The following ANKRA2 variants were observed in gnomAD, a reference collection of about 807,000 sequenced individuals.
ANKRA2 encodes ankyrin repeat family A protein 2.
A neutral mutation model predicts 37.8 loss-of-function variants in ANKRA2; 33 were observed. The ratio of observed to expected loss-of-function variants is 0.87; its 90% CI spans 0.66 to 1.17. The LOEUF (loss-of-function observed/expected upper bound fraction) is 1.17. ANKRA2 is among the 50% of genes most tolerant of loss of function. The pLI is 0.00. For missense variants in ANKRA2, 326 were observed against 373.7 expected, an observed-to-expected ratio of 0.87 and a Z score of 1.05; for synonymous variants, 126 against 132.3, an observed-to-expected ratio of 0.95 and a Z score of 0.33.
intron 6 of ANKRA2, 63 bp downstream of exon 6, chr5:73,554,798 T>C (rs899931199): frequency 3.2e-6 from 5 of 1,558,444 alleles, no homozygotes; most frequent in Non-Finnish European, 4.4e-6. Flanking sequence ...ACTGCATCTC[T>C]CCCAAACCAA....
At chr5:73,553,646 T>C (rs1265483614) in intron 7 of ANKRA2, among the ~76,000 whole-genome samples, 160 bp from the exon 8 acceptor site, 2 of 152,280 alleles carry the variant, frequency 1.3e-5, no homozygotes, top group South Asian at 2.1e-4. Context: ...AGAATTTACT[T>C]TAGTGGATTG....
Position 73,561,066 on chromosome 5 carries a change from TA to T in ANKRA2, c.448+63del. On this transcript the variant is annotated intron_variant, in intron 3 of 8. Transcript: ENST00000296785. ...ATATGCATTTAATGAAATAATGTTTTAAAGTCAAACTCTTGAAAGTATTACA... is the reference window on the plus strand; with the variant it reads ...ATATGCATTTAATGAAATAATGTTTTAAGTCAAACTCTTGAAAGTATTACA... The T allele has an allele frequency of 4.1e-6, 6 of 1,459,818 alleles. No homozygotes were observed. The South Asian group carries it at 7.6e-5, about 19-fold the overall frequency. The allele number at this position is 1,459,818 out of a possible 1,614,324, so 90.4% of individuals were successfully genotyped here.
At chr5:73,561,729 T>C (rs1747559803) in intron 2 of ANKRA2, among the ~76,000 whole-genome samples, 1 of 151,734 alleles carries the variant, frequency 6.6e-6, no homozygotes, top group South Asian at 2.1e-4. Flanking sequence ...ATCTCGCCAC[T>C]GCACTCCAGC....
intron 3 of ANKRA2, among the ~76,000 whole-genome samples, chr5:73,560,165 AT>A: frequency 6.6e-6 from 1 of 152,280 alleles, no homozygotes; most frequent in African/African-American, 2.4e-5. Context: ...CGTATAATGC[AT>A]TTATTTATTT....
rs371793533 is a variant in ANKRA2, at chr5:73,560,054, G to A, written c.448+1076C>T. The stretch of plus-strand genomic sequence containing the variant: ...GCTGGGATTACAGGTGTGACACGCC[G>A]TGTCTAGCCCCACATGAAATATTTA... On this transcript the variant is annotated intron_variant, in intron 3 of 8. Coordinates refer to ENST00000296785, the MANE Select transcript of ANKRA2 (RefSeq NM_023039.5). Among the ~76,000 whole-genome samples the A allele has an allele frequency of 1.6e-4, 25 of 152,180 alleles. 1 individual carries two copies. Among genetic ancestry groups the A allele is most frequent in the African/African-American group, 5.5e-4 (23 of 41,544 alleles).
chr5:73,561,742 G>A (rs1043626332), intron 2 of ANKRA2, among the ~76,000 whole-genome samples: 1 of 151,896 alleles, frequency 6.6e-6, no homozygotes, highest in African/African-American at 2.4e-5. Context: ...ACTCCAGCCT[G>A]GGTGACAGAG....
chr5:73,555,550 TA>T lies in ANKRA2; in HGVS notation c.549del (p.Phe183LeufsTer4). 6.2e-7 allele frequency: 1 copy of T among 1,613,958 alleles called. No homozygotes were observed. Among genetic ancestry groups the T allele is most frequent in the Non-Finnish European group, 8.5e-7 (1 of 1,179,972 alleles). ...NVINHTDEEGFTPLMWAAAHG... is the reference protein window; with the variant it reads ...NVINHTDEEGXTPLMWAAAHG... Reference sequence around the variant, plus strand: ...TGTGCTGCAGCCCACATCAGAGGAGTAAATCCTTCTTCATCCGTGTGATTGA... The same window carrying T: ...TGTGCTGCAGCCCACATCAGAGGAGTAATCCTTCTTCATCCGTGTGATTGA... On this transcript the variant is annotated frameshift_variant, in exon 5 of 9. Transcript: ENST00000296785. LOFTEE classifies it high-confidence loss of function.
chr5:73,562,007 G>T (rs1251700533), intron 2 of ANKRA2, among the ~76,000 whole-genome samples: 3 of 151,816 alleles, frequency 2.0e-5, no homozygotes, highest in East Asian at 1.9e-4. Context: ...AAAGGAACAT[G>T]ATTTTTTTTC....
intron 1 of ANKRA2, among the ~76,000 whole-genome samples, chr5:73,564,648 A>T (rs7716204): frequency 1.3e-5 from 2 of 152,248 alleles, no homozygotes; most frequent in African/African-American, 4.8e-5. Context: ...TTCATCTATT[A>T]TAAAAAGGTG....
intron 3 of ANKRA2, among the ~76,000 whole-genome samples, chr5:73,557,986 G>C (rs1305449157): frequency 6.6e-6 from 1 of 152,000 alleles, no homozygotes; most frequent in African/African-American, 2.4e-5. Flanking sequence ...CTGAGGCTGG[G>C]GAATCACTTG....
intron 3 of ANKRA2, among the ~76,000 whole-genome samples, chr5:73,559,223 T>C (rs1031134618): frequency 6.6e-6 from 1 of 152,204 alleles, no homozygotes; most frequent in African/African-American, 2.4e-5. Flanking sequence ...TCAGGAGGGA[T>C]TTAGTGTTTC....
chr5:73,554,252 C>CA, intron 7 of ANKRA2, 70 bp downstream of exon 7: 1 of 1,261,434 alleles, frequency 7.9e-7, no homozygotes, highest in Non-Finnish European at 1.1e-6. Flanking sequence ...TGAGTAGTAC[C>CA]AGGGGAGGCC....
intron 5 of ANKRA2, 160 bp downstream of exon 5, chr5:73,555,328 G>A: frequency 7.7e-7 from 1 of 1,304,572 alleles, no homozygotes. Flanking sequence ...GATTAGTCTT[G>A]CCTTCCCAAC....
chr5:73,553,629 G>A, intron 7 of ANKRA2, 143 bp from the exon 8 acceptor site: 1 of 658,894 alleles, frequency 1.5e-6, no homozygotes, highest in Non-Finnish European at 2.6e-6. Flanking sequence ...GAGTGCATGG[G>A]GTACTTAGAA....
At chr5:73,555,890 A>G (rs965039353) in intron 4 of ANKRA2, among the ~76,000 whole-genome samples, 4 of 152,214 alleles carry the variant, frequency 2.6e-5, no homozygotes, top group Non-Finnish European at 5.9e-5. Flanking sequence ...AGGAGACCAC[A>G]GTTTGAATCC....
chr5:73,557,400 G>A (rs962077663), intron 4 of ANKRA2, 175 bp downstream of exon 4: 6 of 371,826 alleles, frequency 1.6e-5, no homozygotes, highest in African/African-American at 1.2e-4. Context: ...GAACTTTTAC[G>A]CTTTATATTC....
chr5:73,561,380 A>G lies in ANKRA2; in HGVS notation c.290-92T>C. 3 of 1,185,584 alleles carry G rather than the reference A, an allele frequency of 2.5e-6. No homozygotes were observed. The South Asian group carries it at 4.2e-5, about 16-fold the overall frequency. The allele number at this position is 1,185,584 out of a possible 1,614,324, so 73.4% of individuals were successfully genotyped here. ...TTTGAAAAGAAATACATGAGGTGTA[A>G]TAGCTTCAATTAAACTATTTATCAA... On this transcript the variant is annotated intron_variant, in intron 2 of 8. Coordinates refer to ENST00000296785, the MANE Select transcript of ANKRA2 (RefSeq NM_023039.5).
intron 7 of ANKRA2, 67 bp downstream of exon 7, chr5:73,554,255 G>A: frequency 7.7e-7 from 1 of 1,301,280 alleles, no homozygotes; most frequent in Admixed American, 1.8e-5. Flanking sequence ...GTAGTACCAG[G>A]GGAGGCCAGG....
chr5:73,559,000 A>T (rs1325338213), intron 3 of ANKRA2, among the ~76,000 whole-genome samples: 3 of 152,256 alleles, frequency 2.0e-5, no homozygotes, highest in Admixed American at 2.0e-4. Flanking sequence ...ACTTCTTTAA[A>T]GACAATGCCA....
Sources: allele counts gnomAD v4.1 joint callset (sites outside exome capture counted in the v4.1 genomes callset), GRCh38; gene constraint gnomAD v4.1.1; transcripts MANE v1.5; gene names NCBI Gene and HGNC (gene_info 2026-07-23, HGNC 2026-07-21).